The following FBRSL1 variants were observed in gnomAD, a reference collection of about 807,000 sequenced individuals.
The protein encoded by FBRSL1 is fibrosin-1-like protein.
Under a neutral mutation model 89.6 loss-of-function variants are expected in FBRSL1, and 51 were observed. The observed-to-expected ratio is 0.57, with a 90% CI of 0.45 to 0.72. The LOEUF is 0.72. Among genes scored for constraint, FBRSL1 ranks in the 30% least tolerant of loss-of-function variants. The pLI, the probability that FBRSL1 is intolerant of heterozygous loss-of-function variation, is 0.00. For synonymous variants in FBRSL1, 779 were observed against 681.1 expected, an observed-to-expected ratio of 1.14 and a Z score of -2.24; for missense variants, 1,618 against 1,451.8, an observed-to-expected ratio of 1.11 and a Z score of -1.86.
intron 5 of FBRSL1, among the ~76,000 whole-genome samples, chr12:132,556,255 G>A (rs998342977): frequency 6.6e-6 from 1 of 152,170 alleles, no homozygotes. Flanking sequence ...GGCCTTGGGG[G>A]TCTGGCCTAC....
At position 132,570,067 on chromosome 12, in the gene FBRSL1, C is replaced by G; in HGVS notation, c.833C>G (p.Pro278Arg). ...APHAAPCPGP[P>R]PGSRANPLVK... is the part of the protein sequence containing the mutation. ...CATGCCGCGCCCTGCCCGGGGCCCC[C>G]GCCCGGCTCCCGCGCCAATCCCTTG... The change falls in exon 7 of 19, where the codon CCG becomes CGG. Residue 278 changes from proline (P) to arginine (R), a missense_variant. By Grantham distance (103) the Pro-to-Arg change is moderately radical (BLOSUM62 -2). Transcript: ENST00000680143. The G allele has an allele frequency of 6.7e-7, 1 of 1,493,304 alleles. No individual in the cohort carries two copies. Among genetic ancestry groups the G allele is most frequent in the Non-Finnish European group, 8.9e-7 (1 of 1,128,820 alleles). 92.5% of individuals were successfully genotyped at this position (1,493,304 alleles called of 1,614,324 possible).
chr12:132,550,027 C>T (rs1032156390), intron 5 of FBRSL1, among the ~76,000 whole-genome samples: 7 of 151,980 alleles, frequency 4.6e-5, no homozygotes, highest in Non-Finnish European at 1.0e-4. Flanking sequence ...GCTCTGCACA[C>T]GGAGGGTCCC....
chr12:132,565,906 A>T (rs1160754587), intron 5 of FBRSL1: 1 of 152,198 alleles, frequency 6.6e-6, no homozygotes, highest in Non-Finnish European at 1.5e-5. Flanking sequence ...GTGGTTTCCC[A>T]GGGTTGGGGG....
At position 132,531,094 on chromosome 12, in the gene FBRSL1, C is replaced by T. The variant is rs535443263; in HGVS notation, c.615+3106C>T. ...TGGCCTCCTTGGAAGTGCTCTTCCCCGGCACTGAGGACTGGAGGCAGGTGG... is the reference window on the plus strand; with the variant it reads ...TGGCCTCCTTGGAAGTGCTCTTCCCTGGCACTGAGGACTGGAGGCAGGTGG... On this transcript the variant is annotated intron_variant, in intron 4 of 18. Coordinates refer to ENST00000680143, the MANE Select transcript of FBRSL1 (RefSeq NM_001367871.1). Among the ~76,000 whole-genome samples, 19 of 152,132 alleles carry T rather than the reference C, an allele frequency of 1.2e-4. No homozygotes were observed. In the East Asian group the frequency reaches 2.3e-3, roughly 19 times the overall value.
Position 132,581,772 on chromosome 12 carries a change from C to A in FBRSL1, c.1944C>A (p.Gly648=), listed in dbSNP as rs1300892908. The change falls in exon 17 of 19, where the codon GGC becomes GGA. Residue 648 remains glycine, a synonymous_variant. Coordinates refer to ENST00000680143, the MANE Select transcript of FBRSL1 (RefSeq NM_001367871.1). ...TCAGCAGACCGAGCACCTTTGGGGG[C>A]CTGGGCAGCCTGAGCAGCCACGCCT... ...DPFSRPSTFG[G]LGSLSSHAFG... 1 of 1,549,390 alleles carries A rather than the reference C, an allele frequency of 6.5e-7. No individual in the cohort carries two copies. The highest frequency in any genetic ancestry group is 2.0e-5 in the Admixed American group (1 of 50,910).
intron 5 of FBRSL1, among the ~76,000 whole-genome samples, chr12:132,564,621 G>A (rs933004887): frequency 7.9e-6 from 1 of 126,586 alleles, no homozygotes; most frequent in African/African-American, 3.1e-5. Flanking sequence ...TCAGCCTCCC[G>A]AGTAGCTGGG....
At chr12:132,543,118 CAGT>C (rs748006700) in intron 4 of FBRSL1, among the ~76,000 whole-genome samples, 13 of 152,146 alleles carry the variant, frequency 8.5e-5, no homozygotes, top group Non-Finnish European at 1.8e-4. Flanking sequence ...GGGTTGGTGG[CAGT>C]GGTGGTGACA....
intron 1 of FBRSL1, among the ~76,000 whole-genome samples, chr12:132,497,990 C>T (rs1272238035): frequency 1.3e-5 from 2 of 152,154 alleles, no homozygotes; most frequent in African/African-American, 4.8e-5. Context: ...CGTGTGGCAG[C>T]AGCTGGGAGG....
chr12:132,503,455 C>T (rs566423537), intron 1 of FBRSL1, among the ~76,000 whole-genome samples: 39 of 152,372 alleles, frequency 2.6e-4, no homozygotes, highest in Admixed American at 1.9e-3. Context: ...GGACATGGGA[C>T]GCCCTGGGCG....
In FBRSL1 at chr12:132,546,796, G is replaced by A. The variant is rs1415650238; in HGVS notation, c.616-1207G>A. ...GTAGGAGCCACCTGGAGTGTGACTC[G>A]TCATGCGCTGGGAGCAGCACGTTCT... On this transcript the variant is annotated intron_variant, in intron 4 of 18. Transcript: ENST00000680143. The surrounding 1 kb of genome is among the most constrained non-coding windows in gnomAD (Gnocchi z 4.0). 2.6e-5 allele frequency among the ~76,000 whole-genome samples: 4 copies of A among 152,202 alleles called. No individual in the cohort carries two copies. The highest frequency in any genetic ancestry group is 1.3e-4 in the Admixed American group (2 of 15,280).
chr12:132,536,360 T>G (rs1043356650), intron 4 of FBRSL1, among the ~76,000 whole-genome samples: 1 of 148,516 alleles, frequency 6.7e-6, no homozygotes, highest in Non-Finnish European at 1.5e-5. Flanking sequence ...GACAATATGA[T>G]TGTGTACATG....
At chr12:132,559,309 A>G (rs996325797) in intron 5 of FBRSL1, among the ~76,000 whole-genome samples, 2 of 152,232 alleles carry the variant, frequency 1.3e-5, no homozygotes, top group African/African-American at 4.8e-5. Flanking sequence ...ACCGAGGCCC[A>G]GGGAGGGCGG....
At chr12:132,550,222 G>A (rs1489924536) in intron 5 of FBRSL1, among the ~76,000 whole-genome samples, 5 of 152,122 alleles carry the variant, frequency 3.3e-5, no homozygotes, top group South Asian at 2.1e-4. Context: ...GAGGGGCTGC[G>A]GAGGACGGCA....
At chr12:132,564,121 A>G (rs570916448) in intron 5 of FBRSL1, among the ~76,000 whole-genome samples, 3 of 152,226 alleles carry the variant, frequency 2.0e-5, no homozygotes, top group Admixed American at 6.5e-5. Flanking sequence ...CAGCAATTCC[A>G]TATGTGGCTG....
At chr12:132,511,200 C>T in intron 2 of FBRSL1, 1 of 985,516 alleles carries the variant, frequency 1.0e-6, no homozygotes, top group South Asian at 4.7e-5. Context: ...CCCCACCTCT[C>T]AGGACTCTGC....
chr12:132,576,860 C>T lies in FBRSL1; in HGVS notation c.1763C>T (p.Pro588Leu). The change falls in exon 15 of 19, where the codon CCC (proline) becomes CTC (leucine). Residue 588 changes from proline to leucine, a missense_variant. Pro to Leu is a moderately conservative substitution (Grantham distance 98). Coordinates refer to ENST00000680143, the MANE Select transcript of FBRSL1 (RefSeq NM_001367871.1). The stretch of plus-strand genomic sequence containing the variant: ...GCAAAGCTGGACCTGTTCGGCAGAC[C>T]CCCTGCCCCGGGCGTGTTTGCAGGC... ...VGAKLDLFGR[P>L]PAPGVFAGFH... The T allele has an allele frequency of 6.4e-7, 1 of 1,551,030 alleles. No individual in the cohort carries two copies. The highest frequency in any genetic ancestry group is 8.7e-7 in the Non-Finnish European group (1 of 1,146,922).
intron 12 of FBRSL1, 53 bp from the exon 13 acceptor site, chr12:132,574,266 G>A: frequency 6.8e-7 from 1 of 1,478,886 alleles, no homozygotes; most frequent in African/African-American, 1.4e-5. Context: ...TGCACCCCCA[G>A]GACTCAGCCT....
rs191957528 is a variant in FBRSL1, at chr12:132,537,293, T to G, written c.615+9305T>G. 4.0e-3 allele frequency among the ~76,000 whole-genome samples: 608 copies of G among 152,258 alleles called. 2 individuals are homozygous for G. Among genetic ancestry groups the G allele is most frequent in the African/African-American group, 0.014 (577 of 41,534 alleles). On this transcript the variant is annotated intron_variant, in intron 4 of 18. Coordinates refer to ENST00000680143, the MANE Select transcript of FBRSL1 (RefSeq NM_001367871.1). ...AAGCTGTTCAGAGTGAGACTGTTCC[T>G]GTCCAGTGTGTGAGTCGGGCCGAGC... is the stretch of plus-strand genomic sequence containing the variant.
chr12:132,522,050 C>T (rs1421708913), intron 2 of FBRSL1, among the ~76,000 whole-genome samples: 1 of 151,718 alleles, frequency 6.6e-6, no homozygotes, highest in East Asian at 1.9e-4. Context: ...CCTCAGCCTG[C>T]CGGCGCCTGT....
Sources: gnomAD v4.1 joint callset for allele counts (sites outside exome capture counted in the v4.1 genomes callset) on GRCh38, gnomAD v4.1.1 for gene constraint, Gnocchi (gnomAD v3.1) non-coding constraint, MANE v1.5 for transcripts, NCBI Gene and HGNC (gene_info 2026-07-23, HGNC 2026-07-21) for gene names.